CCM2: variants seen among roughly 807,000 people sequenced by gnomAD.
CCM2 encodes cerebral cavernous malformations 2 protein.
In CCM2, 25 loss-of-function variants were observed where a neutral mutation model predicts 44.9. The observed-to-expected ratio is 0.56, with a 90% CI of 0.41 to 0.78. The LOEUF (loss-of-function observed/expected upper bound fraction) is 0.78, where lower values mean the gene tolerates loss of function less well. Ranked by LOEUF, CCM2 falls within the 30% of genes least tolerant of loss-of-function variation. The pLI, the probability that CCM2 is intolerant of heterozygous loss-of-function variation, is 0.00. For synonymous variants in CCM2, 219 were observed against 241.1 expected, an observed-to-expected ratio of 0.91 and a Z score of 0.85; for missense variants, 481 against 580.6, an observed-to-expected ratio of 0.83 and a Z score of 1.76.
At chr7:45,000,621 C>G (rs1235024932) in intron 1 of CCM2, among the ~76,000 whole-genome samples, 9 of 152,128 alleles carry the variant, frequency 5.9e-5, no homozygotes, top group Non-Finnish European at 4.4e-5. Flanking sequence ...CTTCCCTGCG[C>G]GTCGGGACCT....
At chr7:45,074,220 G>T in intron 8 of CCM2, 50 bp from the exon 9 acceptor site, 3 of 1,611,860 alleles carry the variant, frequency 1.9e-6, no homozygotes, top group Non-Finnish European at 2.5e-6. Flanking sequence ...CCCGACTGCC[G>T]ACTCTTGCCT....
At position 45,064,410 on chromosome 7, in the gene CCM2, C is replaced by T. The variant is rs1798666551; in HGVS notation, c.289-53C>T. On this transcript the variant is annotated intron_variant, in intron 3 of 9. Transcript: ENST00000258781. Reference sequence around the variant, plus strand: ...CACAATATTCTCAGGAGAAGCGCCCCATGCCGGTTGACAGCTGAGTCTGTA... The same window carrying T: ...CACAATATTCTCAGGAGAAGCGCCCTATGCCGGTTGACAGCTGAGTCTGTA... 9.5e-6 allele frequency: 15 copies of T among 1,575,334 alleles called. No homozygotes were observed. The African/African-American group carries it at 1.2e-4, about 13-fold the overall frequency.
intron 2 of CCM2, among the ~76,000 whole-genome samples, chr7:45,050,754 C>T (rs1797965410): frequency 6.6e-6 from 1 of 152,202 alleles, no homozygotes; most frequent in African/African-American, 2.4e-5. Context: ...TAAGTTAGTC[C>T]TCTGCTGTAA....
At chr7:45,004,723 G>A (rs1795776814) in intron 1 of CCM2, among the ~76,000 whole-genome samples, 1 of 151,998 alleles carries the variant, frequency 6.6e-6, no homozygotes, top group African/African-American at 2.4e-5. Context: ...ACAACTGGTG[G>A]TTGGCCAGGT....
At chr7:45,009,129 C>CT (rs1216564977) in intron 1 of CCM2, among the ~76,000 whole-genome samples, 1 of 151,816 alleles carries the variant, frequency 6.6e-6, no homozygotes, top group Non-Finnish European at 1.5e-5. Context: ...TGGCGAAATG[C>CT]TATCTCTACA....
chr7:45,070,001 C>A, intron 6 of CCM2, 40 bp downstream of exon 6: 1 of 1,609,922 alleles, frequency 6.2e-7, no homozygotes, highest in Non-Finnish European at 8.5e-7. Context: ...GGAGCAGGGA[C>A]AGGAGGGGCT....
chr7:45,015,007 C>T (rs1796210275), intron 1 of CCM2, among the ~76,000 whole-genome samples: 1 of 152,138 alleles, frequency 6.6e-6, no homozygotes, highest in Non-Finnish European at 1.5e-5. Context: ...AAGCCCTTGT[C>T]TTTCTTTAAA....
intron 1 of CCM2, among the ~76,000 whole-genome samples, chr7:45,025,147 C>T (rs1025324630): frequency 6.6e-6 from 1 of 151,984 alleles, no homozygotes; most frequent in Non-Finnish European, 1.5e-5. Flanking sequence ...AAAATTGAGG[C>T]CATTAAGTAG....
At chr7:45,075,704 TTG>T in intron 9 of CCM2, 71 bp from the exon 10 acceptor site, 1 of 1,597,192 alleles carries the variant, frequency 6.3e-7, no homozygotes. Context: ...TCAGGGGGCT[TTG>T]AGCCCTGAGA....
At chr7:45,064,441 G>A in intron 3 of CCM2, 22 bp from the exon 4 acceptor site, 6 of 1,611,866 alleles carry the variant, frequency 3.7e-6, no homozygotes, top group Non-Finnish European at 5.1e-6. Flanking sequence ...CTGTATTTCT[G>A]ATGCCCTGTG....
chr7:45,015,786 G>A (rs956664606), intron 1 of CCM2, among the ~76,000 whole-genome samples: 1 of 152,148 alleles, frequency 6.6e-6, no homozygotes, highest in African/African-American at 2.4e-5. Flanking sequence ...GCCAGTTAGA[G>A]AGCTCATCTC....
rs777710102 is a variant in CCM2, at chr7:45,069,833, C to T, written c.617C>T (p.Ala206Val). 4 of 1,614,140 alleles carry T rather than the reference C, an allele frequency of 2.5e-6. No homozygotes were observed. The highest frequency in any genetic ancestry group is 2.5e-6 in the Non-Finnish European group (3 of 1,180,046). ...VILAAESKVA[A>V]EELCCLLGQV... ...TGCTGTCCCCCACTGCAGGTCGCTG[C>T]GGAGGAGCTTTGCTGTCTGCTAGGC... Residue 206 changes from alanine (A) to valine (V), a missense_variant, in exon 6 of 10, where the codon GCG (alanine) becomes GTG (valine). Transcript: ENST00000258781.
chr7:45,054,032 C>T (rs921937012), intron 2 of CCM2, among the ~76,000 whole-genome samples: 7 of 152,034 alleles, frequency 4.6e-5, no homozygotes, highest in African/African-American at 9.7e-5. Context: ...TAGTACATGC[C>T]GTAGTAGAGA....
At chr7:45,037,000 C>A (rs1318678961) in intron 1 of CCM2, among the ~76,000 whole-genome samples, 2 of 152,042 alleles carry the variant, frequency 1.3e-5, no homozygotes, top group Non-Finnish European at 2.9e-5. Context: ...AGTTCTCACT[C>A]TTAGTCACGG....
upstream of CCM2, among the ~76,000 whole-genome samples, chr7:45,000,017 C>T (rs181906878): frequency 4.4e-3 from 668 of 152,078 alleles, 3 homozygotes; most frequent in African/African-American, 0.014. Flanking sequence ...TCGCCGTGAG[C>T]GGGGCCAACG....
At chr7:44,999,871 G>A, upstream of CCM2, 1 of 394,504 alleles carries the variant, frequency 2.5e-6, no homozygotes, top group South Asian at 1.7e-5. Context: ...CGTTCTCGCG[G>A]CCGTGCAGAA....
intron 1 of CCM2, among the ~76,000 whole-genome samples, chr7:45,015,226 T>A (rs1796218120): frequency 6.6e-6 from 1 of 152,150 alleles, no homozygotes; most frequent in South Asian, 2.1e-4. Context: ...TGACACAGAA[T>A]TTATTCCAGT....
chr7:45,016,048 T>G (rs13238883), intron 1 of CCM2, among the ~76,000 whole-genome samples: 1 of 152,288 alleles, frequency 6.6e-6, no homozygotes, highest in Non-Finnish European at 1.5e-5. Flanking sequence ...TTTGGCCTTG[T>G]CAACTTAAAA....
At chr7:45,015,914 A>G (rs1268869846) in intron 1 of CCM2, among the ~76,000 whole-genome samples, 1 of 152,188 alleles carries the variant, frequency 6.6e-6, no homozygotes, top group Admixed American at 6.5e-5. Context: ...TCCGAAAGCC[A>G]TGATTTGACA....
Sources: allele counts gnomAD v4.1 joint callset (sites outside exome capture counted in the v4.1 genomes callset), GRCh38; gene constraint gnomAD v4.1.1; transcripts MANE v1.5; gene names NCBI Gene and HGNC (gene_info 2026-07-23, HGNC 2026-07-21).